PTPN14: variants seen among roughly 807,000 people sequenced by gnomAD.
PTPN14 encodes the protein tyrosine-protein phosphatase non-receptor type 14.
PTPN14 carries 53 observed loss-of-function variants against 126.8 expected under a neutral mutation model. The ratio of observed to expected loss-of-function variants is 0.42; its 90% CI spans 0.34 to 0.53. The LOEUF (loss-of-function observed/expected upper bound fraction) is 0.53, where lower values mean the gene tolerates loss of function less well. Ranked by LOEUF, PTPN14 falls within the 20% of genes least tolerant of loss-of-function variation. The probability of loss-of-function intolerance (pLI) is 0.08; values close to 1 mark genes in which losing one functional copy is unlikely to be tolerated. For synonymous variants in PTPN14, 630 were observed against 599.3 expected (o/e 1.05, Z -0.75); for missense variants, 1,257 against 1,552.9 (o/e 0.81, Z 3.20).
In PTPN14 at chr1:214,354,106, C is replaced by A. The variant is rs550321905; in HGVS notation, c.*3816G>T. The A allele has an allele frequency of 6.6e-6, 1 of 152,332 alleles. No individual in the cohort carries two copies. Among genetic ancestry groups the A allele is most frequent in the East Asian group, 1.9e-4 (1 of 5,188 alleles). The allele number at this position is 152,332 out of a possible 1,614,324, so 9.4% of individuals were successfully genotyped here. A position where few individuals can be genotyped will look rare whatever the true frequency, so the allele number is the denominator to read the frequency against. On this transcript the variant is annotated 3_prime_UTR_variant, in exon 19 of 19. Transcript: ENST00000366956. The stretch of plus-strand genomic sequence containing the variant: ...TAAGCCATGGTCAAGTCCTACAAGG[C>A]CCACCCTCAGCAGTCTACAAAGACC...
chr1:214,426,850 C>T (rs189236260), intron 3 of PTPN14, among the ~76,000 whole-genome samples: 21 of 152,240 alleles, frequency 1.4e-4, no homozygotes, highest in Admixed American at 7.2e-4. Context: ...AGTGGCTGTA[C>T]GGGGCACACC....
chr1:214,525,056 AG>A (rs1655352286), intron 1 of PTPN14, among the ~76,000 whole-genome samples: 1 of 152,238 alleles, frequency 6.6e-6, no homozygotes, highest in Non-Finnish European at 1.5e-5. Context: ...AGCTCAGGAG[AG>A]GCCAAGGAGG....
chr1:214,532,342 T>C, intron 1 of PTPN14: 1 of 552,160 alleles, frequency 1.8e-6, no homozygotes, highest in South Asian at 1.8e-5. Flanking sequence ...TACACCAGCT[T>C]CTGGGATGGC....
At position 214,394,889 on chromosome 1, in the gene PTPN14, T is replaced by C; in HGVS notation, c.846+10A>G. On this transcript the variant is annotated intron_variant, in intron 9 of 18. Transcript: ENST00000366956. ...TTGTCAGACCCTGACTGTTTGTCTG[T>C]TGTGCTTACCGTGTGAAAGAGGGCA... 6.2e-7 allele frequency: 1 copy of C among 1,606,280 alleles called. No homozygotes were observed.
chr1:214,532,524 C>A, intron 1 of PTPN14: 1 of 982,866 alleles, frequency 1.0e-6, no homozygotes, highest in South Asian at 1.3e-5. Flanking sequence ...AATCTGGGAG[C>A]ACCTGGAGAA....
chr1:214,403,022 A>G, intron 5 of PTPN14, 69 bp from the exon 6 acceptor site: 1 of 1,468,632 alleles, frequency 6.8e-7, no homozygotes, highest in Non-Finnish European at 9.5e-7. Context: ...TGCAAATCTT[A>G]AAGCTCCCTT....
At chr1:214,376,530 T>A in intron 14 of PTPN14, 93 bp from the exon 15 acceptor site, 1 of 1,074,882 alleles carries the variant, frequency 9.3e-7, no homozygotes, top group Non-Finnish European at 1.4e-6. Flanking sequence ...GCGATTGTGT[T>A]AAAAGAGATT....
rs1159209240 is a variant in PTPN14, at chr1:214,436,786, C to CAAAAAAAAAAAAAAAAA, written c.344+15002_344+15018dup. Reference sequence around the variant, plus strand: ...TGGGCGACAGAGAAAGACTCCGTCTCAAAAAAAAAAAAAAAAAAAAAAAAA... The same window carrying CAAAAAAAAAAAAAAAAA: ...TGGGCGACAGAGAAAGACTCCGTCTCAAAAAAAAAAAAAAAAAAAAAAAAAAAAAAAAAAAAAAAAAA... On this transcript the variant is annotated intron_variant, in intron 3 of 18. Coordinates refer to ENST00000366956, the MANE Select transcript of PTPN14 (RefSeq NM_005401.5). Among the ~76,000 whole-genome samples, 11 of 46,636 alleles carry CAAAAAAAAAAAAAAAAA rather than the reference C, an allele frequency of 2.4e-4. 1 individual carries two copies. Among genetic ancestry groups the CAAAAAAAAAAAAAAAAA allele is most frequent in the African/African-American group, 7.7e-4 (10 of 13,046 alleles). The allele number at this position is 46,636 out of a possible 152,430, so 30.6% of individuals were successfully genotyped here. A position where few individuals can be genotyped will look rare whatever the true frequency, so the allele number is the denominator to read the frequency against.
Position 214,414,667 on chromosome 1 carries a change from A to G in PTPN14, c.404T>C (p.Leu135Ser). 6.2e-7 allele frequency: 1 copy of G among 1,614,104 alleles called. No individual in the cohort carries two copies. Among genetic ancestry groups the G allele is most frequent in the Non-Finnish European group, 8.5e-7 (1 of 1,179,952 alleles). ...GCCGGCTAGCCGAATCACCTGGTCC[A>G]ATGTACATCGTAATCGCCCTTCAAG... ...DVLEGRLRCT[L>S]DQVIRLAGLA... Residue 135 changes from leucine to serine, a missense_variant, in exon 4 of 19, where the codon TTG becomes TCG. Physicochemically the swap from Leu to Ser is moderately radical, Grantham distance 145. Transcript: ENST00000366956.
intron 7 of PTPN14, among the ~76,000 whole-genome samples, chr1:214,399,472 T>C (rs1297239781): frequency 6.6e-6 from 1 of 152,244 alleles, no homozygotes; most frequent in Non-Finnish European, 1.5e-5. Context: ...ACCAAAGTTT[T>C]TGTTTTTTAA....
intron 17 of PTPN14, among the ~76,000 whole-genome samples, chr1:214,368,096 T>C (rs959466522): frequency 9.8e-5 from 15 of 152,336 alleles, no homozygotes; most frequent in Non-Finnish European, 2.2e-4. Context: ...CATAAAAATA[T>C]GAGAAAGTAC....
intron 1 of PTPN14, among the ~76,000 whole-genome samples, chr1:214,480,577 A>G (rs536532120): frequency 1.3e-4 from 20 of 152,234 alleles, no homozygotes; most frequent in Non-Finnish European, 2.1e-4. Context: ...AATCTTAGGC[A>G]TGGCCCTGGG....
intron 2 of PTPN14, among the ~76,000 whole-genome samples, chr1:214,460,350 G>T (rs146468510): frequency 6.6e-6 from 1 of 151,744 alleles, no homozygotes; most frequent in Non-Finnish European, 1.5e-5. Context: ...ACTCCATCCT[G>T]CCCCTTCCTC....
chr1:214,481,871 C>T (rs1489543993), intron 1 of PTPN14, among the ~76,000 whole-genome samples: 1 of 151,708 alleles, frequency 6.6e-6, no homozygotes, highest in Non-Finnish European at 1.5e-5. Flanking sequence ...CCTGTAGTCC[C>T]AGCTACTTGG....
At chr1:214,487,993 G>A (rs1661152587) in intron 1 of PTPN14, among the ~76,000 whole-genome samples, 1 of 152,230 alleles carries the variant, frequency 6.6e-6, no homozygotes, top group Non-Finnish European at 1.5e-5. Flanking sequence ...ATGCAGTGCA[G>A]AGTTGGGACC....
chr1:214,532,826 A>T (rs776781239), intron 1 of PTPN14: 32 of 908,352 alleles, frequency 3.5e-5, no homozygotes, highest in Non-Finnish European at 5.1e-5. Flanking sequence ...ATGAAGAACC[A>T]CAAAGATGAA....
chr1:214,452,611 C>A (rs1660296523), intron 2 of PTPN14, among the ~76,000 whole-genome samples: 1 of 152,136 alleles, frequency 6.6e-6, no homozygotes, highest in Non-Finnish European at 1.5e-5. Flanking sequence ...CTGCAGGAGC[C>A]CCTGGTGGCT....
intron 17 of PTPN14, among the ~76,000 whole-genome samples, chr1:214,367,003 CT>C (rs1352298548): frequency 6.7e-6 from 1 of 149,686 alleles, no homozygotes; most frequent in East Asian, 2.0e-4. Context: ...AAAAAAAATA[CT>C]ATGTCTTTTT....
At chr1:214,392,987 G>A (rs1015590131) in intron 10 of PTPN14, among the ~76,000 whole-genome samples, 1 of 152,126 alleles carries the variant, frequency 6.6e-6, no homozygotes, top group Non-Finnish European at 1.5e-5. Flanking sequence ...CACATTGGGC[G>A]CCCAAACCGC....
Sources: gnomAD v4.1 joint callset for allele counts (sites outside exome capture counted in the v4.1 genomes callset) on GRCh38, gnomAD v4.1.1 for gene constraint, MANE v1.5 for transcripts, NCBI Gene and HGNC (gene_info 2026-07-23, HGNC 2026-07-21) for gene names.